Variants in EYA1 observed in about 807,000 individuals in gnomAD.
EYA1 encodes EYA transcriptional coactivator and phosphatase 1, also known as protein phosphatase EYA1.
In EYA1, 16 loss-of-function variants were observed where a neutral mutation model predicts 82.0. That is an observed-to-expected ratio of 0.20 (90% CI 0.13 to 0.30). The LOEUF (loss-of-function observed/expected upper bound fraction) is 0.30, where lower values mean the gene tolerates loss of function less well. Among genes scored for constraint, EYA1 ranks in the 10% least tolerant of loss-of-function variants. EYA1 has a pLI of 1.00. For missense variants in EYA1, 633 were observed against 730.7 expected (o/e 0.87, Z 1.54); for synonymous variants, 261 against 264.4 (o/e 0.99, Z 0.12).
At chr8:71,271,004 G>A (rs751072448) in intron 10 of EYA1, among the ~76,000 whole-genome samples, 9 of 152,206 alleles carry the variant, frequency 5.9e-5, no homozygotes, top group East Asian at 1.9e-4. Flanking sequence ...CCAGCTACTC[G>A]GGAGGCTGGG....
chr8:71,494,396 T>C (rs1292307791), intron 2 of EYA1, among the ~76,000 whole-genome samples: 4 of 152,208 alleles, frequency 2.6e-5, no homozygotes, highest in Non-Finnish European at 5.9e-5. Context: ...TGTTATCTTA[T>C]GCAGTTTCAA....
At chr8:71,266,793 CT>C (rs1815879807) in intron 11 of EYA1, among the ~76,000 whole-genome samples, 1 of 152,194 alleles carries the variant, frequency 6.6e-6, no homozygotes, top group Admixed American at 6.5e-5. Context: ...GCATCTGAAA[CT>C]TGTCCAACAC....
chr8:71,438,732 G>A (rs1296207398), intron 2 of EYA1, among the ~76,000 whole-genome samples: 2 of 152,102 alleles, frequency 1.3e-5, no homozygotes, highest in South Asian at 4.1e-4. Flanking sequence ...ACACATACAA[G>A]AACACGACTG....
chr8:71,526,906 TA>T (rs1813858715), intron 2 of EYA1, among the ~76,000 whole-genome samples: 1 of 152,166 alleles, frequency 6.6e-6, no homozygotes, highest in South Asian at 2.1e-4. Flanking sequence ...GAACATATTT[TA>T]AAATCACCAC....
chr8:71,282,853 G>A (rs752924728), intron 9 of EYA1, among the ~76,000 whole-genome samples: 1 of 151,646 alleles, frequency 6.6e-6, no homozygotes, highest in South Asian at 2.1e-4. Context: ...CAATGACTGA[G>A]TCACCACCTC....
intron 11 of EYA1, among the ~76,000 whole-genome samples, chr8:71,266,008 A>G (rs577835648): frequency 8.3e-4 from 127 of 152,228 alleles, no homozygotes; most frequent in Middle Eastern, 3.4e-3. Flanking sequence ...GACATTCTCA[A>G]ACTTTTTTTT....
At chr8:71,433,893 T>C (rs945051525) in intron 2 of EYA1, among the ~76,000 whole-genome samples, 1 of 152,240 alleles carries the variant, frequency 6.6e-6, no homozygotes, top group African/African-American at 2.4e-5. Flanking sequence ...GAAACACTTC[T>C]GGCTGTAGAC....
At chr8:71,253,082 G>T (rs1813946726) in intron 11 of EYA1, among the ~76,000 whole-genome samples, 1 of 152,160 alleles carries the variant, frequency 6.6e-6, no homozygotes, top group Non-Finnish European at 1.5e-5. Context: ...ATCATAAAAT[G>T]ATCCAATACT....
chr8:71,331,837 C>T (rs1018866451), intron 4 of EYA1, among the ~76,000 whole-genome samples: 3 of 151,908 alleles, frequency 2.0e-5, no homozygotes, highest in Non-Finnish European at 4.4e-5. Context: ...AACACTATTG[C>T]TTTTTTGTTT....
At chr8:71,235,177 G>T (rs775770934) in intron 12 of EYA1, among the ~76,000 whole-genome samples, 2 of 152,096 alleles carry the variant, frequency 1.3e-5, no homozygotes, top group Non-Finnish European at 2.9e-5. Flanking sequence ...TTTCACTCTT[G>T]CCCCGATTCC....
chr8:71,495,505 G>C lies in EYA1; in HGVS notation c.33+40239C>G, dbSNP rs577827943. ...GGCGTGCCTGTAATCCCAGCTACTC[G>C]GGAGGCTGAGGCAGAAGAATCGCTT... On this transcript the variant is annotated intron_variant, in intron 2 of 18. Coordinates refer to the EYA1 transcript ENST00000643681. Among the ~76,000 whole-genome samples, 440 of 152,208 alleles carry C rather than the reference G, an allele frequency of 2.9e-3. 3 individuals carry two copies. The highest frequency in any genetic ancestry group is 0.01 in the African/African-American group (417 of 41,520).
chr8:71,233,481 A>T (rs766924684), intron 12 of EYA1, among the ~76,000 whole-genome samples: 1 of 151,442 alleles, frequency 6.6e-6, no homozygotes, highest in African/African-American at 2.4e-5. Flanking sequence ...GGAGAATGGC[A>T]TGAACCTGGG....
At chr8:71,395,498 T>C (rs1388718876) in intron 2 of EYA1, among the ~76,000 whole-genome samples, 2 of 152,228 alleles carry the variant, frequency 1.3e-5, no homozygotes, top group African/African-American at 2.4e-5. Flanking sequence ...GTTTTTAGCA[T>C]GAAGGGTTGT....
chr8:71,442,746 A>C (rs1463769608), intron 2 of EYA1, among the ~76,000 whole-genome samples: 1 of 152,218 alleles, frequency 6.6e-6, no homozygotes, highest in Non-Finnish European at 1.5e-5. Context: ...ACGATTTACA[A>C]ACAAGCAAAC....
chr8:71,205,902 A>G (rs1008849737), intron 17 of EYA1, among the ~76,000 whole-genome samples: 1 of 152,246 alleles, frequency 6.6e-6, no homozygotes, highest in African/African-American at 2.4e-5. Flanking sequence ...AGTTAAAATC[A>G]ATTTCGAAGC....
chr8:71,486,639 T>A (rs1436809873), intron 2 of EYA1, among the ~76,000 whole-genome samples: 1 of 152,188 alleles, frequency 6.6e-6, no homozygotes, highest in Non-Finnish European at 1.5e-5. Flanking sequence ...CTCCTCTGTG[T>A]AAGCAGCAGG....
At chr8:71,306,182 G>C (rs1477160036) in intron 7 of EYA1, among the ~76,000 whole-genome samples, 1 of 152,184 alleles carries the variant, frequency 6.6e-6, no homozygotes, top group Non-Finnish European at 1.5e-5. Flanking sequence ...GAAAGCACAT[G>C]CTTCCCCAAA....
intron 3 of EYA1, among the ~76,000 whole-genome samples, chr8:71,346,443 T>TAG (rs1825735368): frequency 1.5e-5 from 2 of 135,854 alleles, no homozygotes; most frequent in Non-Finnish European, 3.1e-5. Flanking sequence ...TATATATATA[T>TAG]ATATATATAT....
intron 2 of EYA1, among the ~76,000 whole-genome samples, chr8:71,394,359 C>A (rs1310086910): frequency 2.0e-5 from 3 of 152,056 alleles, no homozygotes; most frequent in South Asian, 2.1e-4. Flanking sequence ...GTCATGAAGC[C>A]CTTGCCCATG....
Sources: gnomAD v4.1 joint callset for allele counts (sites outside exome capture counted in the v4.1 genomes callset) on GRCh38, gnomAD v4.1.1 for gene constraint, MANE v1.5 for transcripts, NCBI Gene and HGNC (gene_info 2026-07-23, HGNC 2026-07-21) for gene names.